Variants in SYTL2 observed in about 807,000 individuals in gnomAD.
SYTL2 encodes synaptotagmin like 2.
Under a neutral mutation model 198.7 loss-of-function variants are expected in SYTL2, and 165 were observed. That is an observed-to-expected ratio of 0.83 (90% CI 0.73 to 0.94). The LOEUF (loss-of-function observed/expected upper bound fraction) is 0.94, where lower values mean the gene tolerates loss of function less well. Among genes scored for constraint, SYTL2 ranks in the 40% least tolerant of loss-of-function variants. The pLI, the probability that SYTL2 is intolerant of heterozygous loss-of-function variation, is 0.00. For synonymous variants in SYTL2, 966 were observed against 917.7 expected (o/e 1.05, Z -0.95); for missense variants, 2,835 against 2,582.8 (o/e 1.10, Z -2.12).
chr11:85,852,605 A>C, the SYTL2 span: 1 of 176,796 alleles, frequency 5.7e-6, no homozygotes. Flanking sequence ...CCAGCTCCTA[A>C]CCGCGAGTGA....
At chr11:85,702,143 T>C (rs1317266980) in intron 16 of SYTL2, among the ~76,000 whole-genome samples, 1 of 151,930 alleles carries the variant, frequency 6.6e-6, no homozygotes, top group Non-Finnish European at 1.5e-5. Context: ...AAATGTATAT[T>C]CTTGGGCCCG....
At chr11:85,834,641 G>A in the SYTL2 span, among the ~76,000 whole-genome samples, 1 of 152,020 alleles carries the variant, frequency 6.6e-6, no homozygotes, top group African/African-American at 2.4e-5. Context: ...ATTATAAAAT[G>A]GGCTTTATAT....
chr11:85,782,056 C>T (rs2092568944), intron 1 of SYTL2, among the ~76,000 whole-genome samples: 1 of 152,236 alleles, frequency 6.6e-6, no homozygotes, highest in East Asian at 1.9e-4. Context: ...TTCCCTTCTG[C>T]ACTGCCCTAG....
chr11:85,829,793 T>G, the SYTL2 span, among the ~76,000 whole-genome samples: 3,733 of 152,302 alleles, frequency 0.025, 53 homozygotes, highest in African/African-American at 0.037. Flanking sequence ...CTCTGATGAT[T>G]AATGATGCTG....
chr11:85,820,623 G>C, the SYTL2 span, among the ~76,000 whole-genome samples: 70 of 152,312 alleles, frequency 4.6e-4, 1 homozygote, highest in African/African-American at 1.5e-3. Context: ...GAGAGTTTAA[G>C]AGCCATTAAA....
intron 14 of SYTL2, 48 bp downstream of exon 14, chr11:85,709,283 G>T (rs748573872): frequency 2.5e-6 from 4 of 1,569,688 alleles, no homozygotes; most frequent in Non-Finnish European, 3.5e-6. Flanking sequence ...CTGTAAGATT[G>T]ACAGTTGGAG....
At chr11:85,814,346 A>G (rs7111778), upstream of SYTL2, among the ~76,000 whole-genome samples, 8,625 of 152,256 alleles carry the variant, frequency 0.057, 778 homozygotes, top group African/African-American at 0.19. Context: ...TGTGACTGTA[A>G]CTAATATATT....
At chr11:85,836,334 C>A in the SYTL2 span, among the ~76,000 whole-genome samples, 251 of 152,200 alleles carry the variant, frequency 1.6e-3, 2 homozygotes, top group African/African-American at 5.9e-3. Context: ...TTACACCACA[C>A]CCCACACCTA....
At chr11:85,813,064 C>T (rs1023008923), upstream of SYTL2, among the ~76,000 whole-genome samples, 1 of 152,124 alleles carries the variant, frequency 6.6e-6, no homozygotes, top group Non-Finnish European at 1.5e-5. Flanking sequence ...CACTCGTCCC[C>T]TGGAAACAAA....
Position 85,694,332 on chromosome 11 carries a change from G to A in SYTL2, c.*863C>T, listed in dbSNP as rs1024231294. 1 of 151,672 alleles carries A rather than the reference G, an allele frequency of 6.6e-6. No individual in the cohort carries two copies. Among genetic ancestry groups the A allele is most frequent in the Admixed American group, 6.6e-5 (1 of 15,248 alleles). 9.4% of individuals were successfully genotyped at this position (151,672 alleles called of 1,614,324 possible). ...TATTCTAAGGGTTTTTACAAAATAC[G>A]AAAATTTTACATACATAAGAAGAAC... On this transcript the variant is annotated 3_prime_UTR_variant, in exon 20 of 20. Transcript: ENST00000359152.
chr11:85,734,747 A>C lies in SYTL2; in HGVS notation c.587-5T>G, dbSNP rs772159023. The stretch of plus-strand genomic sequence containing the variant: ...CTTTTGACTCTGACAATTCATCTGA[A>C]AATTAAAACACAGTAGGTGATATAT... On this transcript the variant is annotated splice_polypyrimidine_tract_variant and splice_region_variant and intron_variant, in intron 6 of 19. Transcript: ENST00000359152. 5 of 1,603,878 alleles carry C rather than the reference A, an allele frequency of 3.1e-6. No homozygotes were observed. The South Asian group carries it at 5.6e-5, about 18-fold the overall frequency.
At chr11:85,745,214 C>T (rs1230057166) in intron 4 of SYTL2, among the ~76,000 whole-genome samples, 2 of 152,190 alleles carry the variant, frequency 1.3e-5, no homozygotes, top group African/African-American at 4.8e-5. Context: ...ATTGAATTCA[C>T]ATCTATCTGG....
chr11:85,759,896 C>A (rs1317525173), intron 1 of SYTL2, among the ~76,000 whole-genome samples: 4 of 152,254 alleles, frequency 2.6e-5, no homozygotes, highest in East Asian at 3.9e-4. Context: ...TTCCATACCC[C>A]AAGTTAAAGT....
chr11:85,741,917 T>C (rs904359451), intron 4 of SYTL2, among the ~76,000 whole-genome samples: 3 of 152,200 alleles, frequency 2.0e-5, no homozygotes, highest in African/African-American at 7.2e-5. Flanking sequence ...GTTTTAATTC[T>C]ACCAAAAACA....
In SYTL2 at chr11:85,726,992, T is replaced by C; in HGVS notation, c.2366A>G (p.Tyr789Cys). Reference protein sequence around the residue: ...VPKNQVQREKYKRVSDRISFW... With the variant: ...VPKNQVQREKCKRVSDRISFW... ...GGATATTCTGTCACTCACTCTTTTG[T>C]ATTTCTCTCTCTGCACTTGGTTCTT... The change falls in exon 8 of 20, where the codon TAC becomes TGC. Residue 789 changes from tyrosine to cysteine, a missense_variant. By Grantham distance (194) the Tyr-to-Cys change is radical. Coordinates refer to ENST00000359152, the MANE Select transcript of SYTL2 (RefSeq NM_206927.4). 1 of 1,536,616 alleles carries C rather than the reference T, an allele frequency of 6.5e-7. No individual in the cohort carries two copies. Among genetic ancestry groups the C allele is most frequent in the Middle Eastern group, 1.7e-4 (1 of 5,996 alleles).
chr11:85,799,023 AC>A (rs1251222644), intron 1 of SYTL2, among the ~76,000 whole-genome samples: 1 of 152,234 alleles, frequency 6.6e-6, no homozygotes, highest in Non-Finnish European at 1.5e-5. Context: ...GCAGTTTCAC[AC>A]CCACTATGTT....
At chr11:85,789,311 G>A (rs1350066539) in intron 1 of SYTL2, among the ~76,000 whole-genome samples, 1 of 95,638 alleles carries the variant, frequency 1.0e-5, no homozygotes. Context: ...TTATTTATAT[G>A]ATGTGTGTGT....
chr11:85,802,999 T>C (rs2092912185), intron 1 of SYTL2, among the ~76,000 whole-genome samples: 2 of 152,336 alleles, frequency 1.3e-5, no homozygotes, highest in South Asian at 4.1e-4. Flanking sequence ...TTCTTAACCA[T>C]GACCCCTCTC....
chr11:85,733,052 A>C (rs575141928), intron 7 of SYTL2, among the ~76,000 whole-genome samples: 3 of 152,174 alleles, frequency 2.0e-5, no homozygotes, highest in Admixed American at 6.5e-5. Context: ...AACTCACACA[A>C]GCTGAAGGAG....
Sources: allele counts gnomAD v4.1 joint callset (sites outside exome capture counted in the v4.1 genomes callset), GRCh38; gene constraint gnomAD v4.1.1; transcripts MANE v1.5; gene names NCBI Gene and HGNC (gene_info 2026-07-23, HGNC 2026-07-21).